SMOC2: variants seen among roughly 807,000 people sequenced by gnomAD.
SMOC2 encodes SPARC-related modular calcium-binding protein 2.
In SMOC2, 39 loss-of-function variants were observed where a neutral mutation model predicts 61.4. That is an observed-to-expected ratio of 0.64 (90% CI 0.49 to 0.83). SMOC2 has a LOEUF of 0.83. Among genes scored for constraint, SMOC2 ranks in the 40% least tolerant of loss-of-function variants. SMOC2 has a pLI of 0.00. For missense variants in SMOC2, 556 were observed against 592.9 expected, an observed-to-expected ratio of 0.94 and a Z score of 0.65; for synonymous variants, 247 against 239.9, an observed-to-expected ratio of 1.03 and a Z score of -0.27.
chr6:168,489,535 T>C (rs917003677), intron 1 of SMOC2, among the ~76,000 whole-genome samples: 1 of 150,360 alleles, frequency 6.7e-6, no homozygotes, highest in Non-Finnish European at 1.5e-5. Context: ...TCACACTGTT[T>C]TAGAATGAAA....
chr6:168,627,253 T>C (rs1026606564), intron 9 of SMOC2, among the ~76,000 whole-genome samples: 6 of 152,214 alleles, frequency 3.9e-5, no homozygotes, highest in African/African-American at 1.4e-4. Context: ...AGGCTGATAA[T>C]TGAAGCACCT....
Position 168,527,743 on chromosome 6 carries a change from C to T in SMOC2, c.463+16C>T, listed in dbSNP as rs762049364. On this transcript the variant is annotated intron_variant, in intron 4 of 12. Transcript: ENST00000356284. ...CGGTGCCCGGGTAGGTCTGACGTGC[C>T]TTTCCAAGTGGAAGGCTTGAAGGGA... 1.1e-5 allele frequency: 16 copies of T among 1,515,634 alleles called. No individual in the cohort carries two copies. Among genetic ancestry groups the T allele is most frequent in the South Asian group, 8.4e-5 (7 of 83,330 alleles). 93.9% of individuals were successfully genotyped at this position (1,515,634 alleles called of 1,614,324 possible).
chr6:168,528,233 T>A (rs929827167), intron 4 of SMOC2, among the ~76,000 whole-genome samples: 2 of 150,668 alleles, frequency 1.3e-5, no homozygotes, highest in Non-Finnish European at 1.5e-5. Context: ...ATTAGAAGTT[T>A]AAAAATCTGT....
At chr6:168,485,073 G>A (rs999728766) in intron 1 of SMOC2, among the ~76,000 whole-genome samples, 4 of 152,028 alleles carry the variant, frequency 2.6e-5, no homozygotes, top group South Asian at 2.1e-4. Context: ...TTAACTATGC[G>A]CTTAAAGATA....
chr6:168,461,363 A>G (rs1562540358), intron 1 of SMOC2, among the ~76,000 whole-genome samples: 1 of 152,196 alleles, frequency 6.6e-6, no homozygotes, highest in Non-Finnish European at 1.5e-5. Context: ...AACCATATTA[A>G]AAGTGTAAGA....
rs73791025 is a variant in SMOC2 at position 168,452,837 on chromosome 6, G to T, written c.84+11383G>T. On this transcript the variant is annotated intron_variant, in intron 1 of 12. Transcript: ENST00000356284. The surrounding 1 kb of genome is among the most constrained non-coding windows in gnomAD (Gnocchi z 5.0). The stretch of plus-strand genomic sequence containing the variant: ...AAGGCAGCAGGAAGGAGGGCAGCCC[G>T]CCAGGCCGAGGCTTTTGTCCTGCTC... 0.049 allele frequency among the ~76,000 whole-genome samples: 7,407 copies of T among 152,260 alleles called. 617 individuals carry two copies. Among genetic ancestry groups the T allele is most frequent in the African/African-American group, 0.17 (6,941 of 41,526 alleles).
At chr6:168,640,894 C>A (rs1786877244) in intron 9 of SMOC2, among the ~76,000 whole-genome samples, 1 of 152,238 alleles carries the variant, frequency 6.6e-6, no homozygotes, top group African/African-American at 2.4e-5. Flanking sequence ...TGGACACCTT[C>A]AGTGCTTCCT....
chr6:168,661,604 C>G (rs1469187846), intron 11 of SMOC2, among the ~76,000 whole-genome samples: 1 of 151,778 alleles, frequency 6.6e-6, no homozygotes, highest in African/African-American at 2.4e-5. Context: ...CCCATCCAAC[C>G]TCCCCCCAAA....
intron 5 of SMOC2, among the ~76,000 whole-genome samples, chr6:168,546,517 T>A (rs1306815972): frequency 6.6e-6 from 1 of 152,048 alleles, no homozygotes; most frequent in Non-Finnish European, 1.5e-5. Context: ...CAGTCCGCCC[T>A]TTCCTCCATT....
chr6:168,606,149 G>C (rs1486095939), intron 8 of SMOC2, among the ~76,000 whole-genome samples: 4 of 152,090 alleles, frequency 2.6e-5, no homozygotes, highest in African/African-American at 9.7e-5. Context: ...ATCATCTCTG[G>C]GTGAATGTTT....
At chr6:168,457,782 GGAATTTTT>G (rs1469301343) in intron 1 of SMOC2, among the ~76,000 whole-genome samples, 1 of 152,148 alleles carries the variant, frequency 6.6e-6, no homozygotes, top group Admixed American at 6.5e-5. Context: ...GCGAAGGCCT[GGAATTTTT>G]CCAAGCCTGT....
At chr6:168,608,681 G>A (rs1486614365) in intron 9 of SMOC2, among the ~76,000 whole-genome samples, 2 of 152,176 alleles carry the variant, frequency 1.3e-5, no homozygotes, top group Non-Finnish European at 2.9e-5. Flanking sequence ...TTGAATGTAT[G>A]TATTGAGTTT....
intron 1 of SMOC2, among the ~76,000 whole-genome samples, chr6:168,470,085 A>G (rs1781936380): frequency 6.6e-6 from 1 of 152,216 alleles, no homozygotes; most frequent in South Asian, 2.1e-4. Context: ...AAGGCTGGAT[A>G]AAAGTGCGAT....
At chr6:168,495,022 C>G (rs555340820) in intron 1 of SMOC2, among the ~76,000 whole-genome samples, 1 of 152,360 alleles carries the variant, frequency 6.6e-6, no homozygotes, top group East Asian at 1.9e-4. Context: ...GCCTCTGGCA[C>G]CTTCCTGAAA....
chr6:168,587,770 G>A (rs1431512613), intron 7 of SMOC2, among the ~76,000 whole-genome samples: 1 of 152,132 alleles, frequency 6.6e-6, no homozygotes, highest in African/African-American at 2.4e-5. Context: ...TACCTTTGTA[G>A]CCCTCTTATT....
At chr6:168,629,178 C>G (rs921614661) in intron 9 of SMOC2, among the ~76,000 whole-genome samples, 3 of 152,238 alleles carry the variant, frequency 2.0e-5, no homozygotes, top group African/African-American at 7.2e-5. Context: ...ATGTGTGACA[C>G]CACTGGTTCT....
rs533844179 is a variant in SMOC2, at chr6:168,624,749, ACACT to A, written c.907+16514_907+16517del. On this transcript the variant is annotated intron_variant, in intron 9 of 12. Coordinates refer to ENST00000356284, the MANE Select transcript of SMOC2 (RefSeq NM_001166412.2). ...ACACAGACACAATACAGATTCACAC[ACACT>A]CACAGACACATGCACACAGACACAA... 7.0e-3 allele frequency among the ~76,000 whole-genome samples: 1,065 copies of A among 151,762 alleles called. 5 individuals carry two copies. The highest frequency in any genetic ancestry group is 0.017 in the Middle Eastern group (5 of 290).
chr6:168,540,243 G>A (rs908308436), intron 4 of SMOC2, among the ~76,000 whole-genome samples: 2 of 152,216 alleles, frequency 1.3e-5, no homozygotes, highest in Non-Finnish European at 2.9e-5. Flanking sequence ...AGGTGATGGC[G>A]GCGAGGGCCT....
chr6:168,646,651 A>G (rs1787040084), intron 9 of SMOC2, among the ~76,000 whole-genome samples: 1 of 152,208 alleles, frequency 6.6e-6, no homozygotes, highest in Non-Finnish European at 1.5e-5. Context: ...GCATCAGAAT[A>G]TTAACCCAGT....
Sources: gnomAD v4.1 joint callset for allele counts (sites outside exome capture counted in the v4.1 genomes callset) on GRCh38, gnomAD v4.1.1 for gene constraint, Gnocchi (gnomAD v3.1) non-coding constraint, MANE v1.5 for transcripts, NCBI Gene and HGNC (gene_info 2026-07-23, HGNC 2026-07-21) for gene names.